STX18: variants seen among roughly 807,000 people sequenced by gnomAD.
The protein encoded by STX18 is syntaxin-18.
A neutral mutation model predicts 50.1 loss-of-function variants in STX18; 40 were observed. That is an observed-to-expected ratio of 0.80 (90% CI 0.62 to 1.04). The LOEUF is 1.04. Ranked by LOEUF, STX18 falls within the 50% of genes least tolerant of loss-of-function variation. STX18 has a pLI of 0.00. For missense variants in STX18, 410 were observed against 415.8 expected, an observed-to-expected ratio of 0.99 and a Z score of 0.12; for synonymous variants, 158 against 151.8, an observed-to-expected ratio of 1.04 and a Z score of -0.30.
At chr4:4,501,570 T>C (rs1459772933) in intron 1 of STX18, among the ~76,000 whole-genome samples, 4 of 152,216 alleles carry the variant, frequency 2.6e-5, no homozygotes, top group Non-Finnish European at 5.9e-5. Context: ...CCTCTCAGAC[T>C]GTTTTGCGTT....
intron 5 of STX18, among the ~76,000 whole-genome samples, chr4:4,445,654 C>G (rs1011627370): frequency 2.0e-5 from 3 of 150,618 alleles, no homozygotes; most frequent in African/African-American, 7.3e-5. Flanking sequence ...CTGAAAATAA[C>G]AAAATATTGC....
chr4:4,460,280 A>G (rs1727311059), intron 2 of STX18, among the ~76,000 whole-genome samples: 1 of 152,244 alleles, frequency 6.6e-6, no homozygotes, highest in African/African-American at 2.4e-5. Context: ...TTAATAAATC[A>G]GTAATAAATA....
chr4:4,442,650 T>C (rs551714091), intron 5 of STX18, among the ~76,000 whole-genome samples: 4 of 151,770 alleles, frequency 2.6e-5, no homozygotes, highest in Admixed American at 6.6e-5. Context: ...CAAAGCACCA[T>C]GAGTGGTGGG....
At chr4:4,470,600 T>C (rs1346992482) in intron 2 of STX18, among the ~76,000 whole-genome samples, 2 of 152,162 alleles carry the variant, frequency 1.3e-5, no homozygotes, top group African/African-American at 2.4e-5. Context: ...GAAGAAAATA[T>C]ACAGGGTGGA....
chr4:4,466,125 A>G (rs953720458), intron 2 of STX18, among the ~76,000 whole-genome samples: 5 of 152,204 alleles, frequency 3.3e-5, no homozygotes, highest in African/African-American at 1.2e-4. Flanking sequence ...AAAAGCACAG[A>G]AAAAGAGCTG....
At chr4:4,423,729 G>A in intron 8 of STX18, 142 bp from the exon 9 acceptor site, 2 of 789,810 alleles carry the variant, frequency 2.5e-6, no homozygotes, top group East Asian at 2.7e-5. Context: ...GGGAAGAGGA[G>A]ATGGGAGAGG....
intron 1 of STX18, among the ~76,000 whole-genome samples, chr4:4,474,676 G>C (rs1453584564): frequency 2.0e-5 from 3 of 152,168 alleles, no homozygotes; most frequent in African/African-American, 7.2e-5. Context: ...TGAGAGTAAT[G>C]CAATGTGAGA....
chr4:4,494,196 A>G (rs1048420308), intron 1 of STX18, among the ~76,000 whole-genome samples: 1 of 152,212 alleles, frequency 6.6e-6, no homozygotes, highest in African/African-American at 2.4e-5. Context: ...CAGCACCAAG[A>G]AAGTATTTAT....
intron 9 of STX18, 140 bp from the exon 10 acceptor site, chr4:4,421,084 T>A: frequency 2.5e-6 from 2 of 785,200 alleles, no homozygotes; most frequent in Non-Finnish European, 4.2e-6. Flanking sequence ...GGACTTCACA[T>A]TTTGAAGTTT....
At chr4:4,499,769 C>T (rs1202083189) in intron 1 of STX18, among the ~76,000 whole-genome samples, 1 of 152,034 alleles carries the variant, frequency 6.6e-6, no homozygotes, top group Non-Finnish European at 1.5e-5. Flanking sequence ...ATCTTCAGGT[C>T]AGAGGAACTA....
intron 5 of STX18, among the ~76,000 whole-genome samples, chr4:4,456,626 G>C (rs910510598): frequency 6.6e-6 from 1 of 152,216 alleles, no homozygotes; most frequent in Non-Finnish European, 1.5e-5. Flanking sequence ...GCATGGGACA[G>C]GTAGTGGGGT....
At chr4:4,424,136 C>T (rs945435456) in intron 8 of STX18, among the ~76,000 whole-genome samples, 13 of 151,738 alleles carry the variant, frequency 8.6e-5, no homozygotes, top group African/African-American at 9.7e-5. Flanking sequence ...GGTTTGGCAA[C>T]GGAGTGTTCT....
Position 4,510,708 on chromosome 4 carries a change from G to GT in STX18, c.168+31088dup, listed in dbSNP as rs747362813. 1.5e-3 allele frequency among the ~76,000 whole-genome samples: 234 copies of GT among 152,216 alleles called. 5 individuals carry two copies. The highest frequency in any genetic ancestry group is 6.2e-4 in the South Asian group (3 of 4,822). ...ACTATAAAGACACATGCACATGTATGTTTTTTGCAGCACTATTTACAATGG... is the reference window on the plus strand; with the variant it reads ...ACTATAAAGACACATGCACATGTATGTTTTTTTGCAGCACTATTTACAATGG... On this transcript the variant is annotated intron_variant, in intron 1 of 10. Transcript: ENST00000306200.
At chr4:4,510,285 G>A (rs1384361565) in intron 1 of STX18, among the ~76,000 whole-genome samples, 2 of 152,116 alleles carry the variant, frequency 1.3e-5, no homozygotes, top group Non-Finnish European at 2.9e-5. Flanking sequence ...ATCATCCCCA[G>A]TCATAGTTTT....
At chr4:4,517,618 C>T (rs995636321) in intron 1 of STX18, among the ~76,000 whole-genome samples, 3 of 152,200 alleles carry the variant, frequency 2.0e-5, no homozygotes, top group Non-Finnish European at 4.4e-5. Context: ...ATAACCTCTT[C>T]CTGTCATAAA....
chr4:4,524,909 G>A (rs28529847), intron 1 of STX18, among the ~76,000 whole-genome samples: 18,480 of 152,192 alleles, frequency 0.12, 1,427 homozygotes, highest in Non-Finnish European at 0.17. Flanking sequence ...GAGACAAACA[G>A]GGAGAGGGTG....
chr4:4,531,195 A>G (rs1199309764), intron 1 of STX18, among the ~76,000 whole-genome samples: 2 of 149,584 alleles, frequency 1.3e-5, no homozygotes, highest in Non-Finnish European at 3.0e-5. Flanking sequence ...AATGGGTTTC[A>G]CTAAAAAATT....
At chr4:4,481,617 T>G (rs1441936588) in intron 1 of STX18, 1 of 152,226 alleles carries the variant, frequency 6.6e-6, no homozygotes, top group Non-Finnish European at 1.5e-5. Flanking sequence ...AAGTTTAATT[T>G]GGAGCCCACT....
intron 1 of STX18, among the ~76,000 whole-genome samples, chr4:4,518,619 T>A (rs73201742): frequency 0.16 from 23,977 of 152,028 alleles, 1,937 homozygotes; most frequent in Non-Finnish European, 0.18. Flanking sequence ...TAAGGGTTTT[T>A]AAAAAAAAGA....
Sources: allele counts gnomAD v4.1 joint callset (sites outside exome capture counted in the v4.1 genomes callset), GRCh38; gene constraint gnomAD v4.1.1; transcripts MANE v1.5; gene names NCBI Gene and HGNC (gene_info 2026-07-23, HGNC 2026-07-21).